The following ZNF385B variants were observed in gnomAD, a reference collection of about 807,000 sequenced individuals.
ZNF385B encodes zinc finger protein 533.
In ZNF385B, 23 loss-of-function variants were observed where a neutral mutation model predicts 39.2. The observed-to-expected ratio is 0.59, with a 90% confidence interval of 0.42 to 0.83. The LOEUF is 0.83. ZNF385B is among the 40% of genes least tolerant of loss of function. The pLI is 0.00. For missense variants in ZNF385B, 552 were observed against 598.9 expected (o/e 0.92, Z 0.82); for synonymous variants, 205 against 222.6 (o/e 0.92, Z 0.70).
chr2:179,644,044 C>T (rs1277312450), intron 3 of ZNF385B, among the ~76,000 whole-genome samples: 1 of 152,054 alleles, frequency 6.6e-6, no homozygotes, highest in East Asian at 1.9e-4. Flanking sequence ...CACCCCACAA[C>T]TATTTTCCCT....
intron 3 of ZNF385B, among the ~76,000 whole-genome samples, chr2:179,708,468 G>A (rs78769384): frequency 0.029 from 4,411 of 152,230 alleles, 200 homozygotes; most frequent in African/African-American, 0.097. Context: ...CTCACACATG[G>A]TGACCTTCAT....
At chr2:179,664,555 A>C (rs1294889213) in intron 3 of ZNF385B, among the ~76,000 whole-genome samples, 1 of 152,200 alleles carries the variant, frequency 6.6e-6, no homozygotes, top group Non-Finnish European at 1.5e-5. Flanking sequence ...AACAAAAAGA[A>C]AAAAATTGTT....
chr2:179,502,026 A>G (rs1215630551), intron 5 of ZNF385B, among the ~76,000 whole-genome samples: 3 of 152,224 alleles, frequency 2.0e-5, no homozygotes, highest in Non-Finnish European at 4.4e-5. Context: ...ATTATACAAA[A>G]TTGGCATTAG....
intron 1 of ZNF385B, among the ~76,000 whole-genome samples, chr2:179,772,724 T>C (rs2106509583): frequency 6.6e-6 from 1 of 152,334 alleles, no homozygotes; most frequent in African/African-American, 2.4e-5. Flanking sequence ...AAAATCTCAC[T>C]TTCTATTTTA....
intron 3 of ZNF385B, among the ~76,000 whole-genome samples, chr2:179,733,082 C>A (rs1701500463): frequency 6.6e-6 from 1 of 152,142 alleles, no homozygotes; most frequent in African/African-American, 2.4e-5. Context: ...TGAATTCTTG[C>A]AGAGTTATTT....
chr2:179,748,509 ACT>A (rs1389390324), intron 3 of ZNF385B, among the ~76,000 whole-genome samples: 1 of 152,154 alleles, frequency 6.6e-6, no homozygotes, highest in Non-Finnish European at 1.5e-5. Context: ...TGCATGTGAC[ACT>A]GTCAGACACA....
At chr2:179,473,229 A>T (rs1376399221) in intron 6 of ZNF385B, among the ~76,000 whole-genome samples, 2 of 152,182 alleles carry the variant, frequency 1.3e-5, no homozygotes, top group African/African-American at 4.8e-5. Context: ...CAGGCTCATG[A>T]AACCTTAATA....
chr2:179,681,457 A>G (rs915992095), intron 3 of ZNF385B, among the ~76,000 whole-genome samples: 4 of 152,214 alleles, frequency 2.6e-5, no homozygotes, highest in Non-Finnish European at 5.9e-5. Flanking sequence ...TGGCTACACA[A>G]TAAGAAGTAT....
At chr2:179,594,170 T>G (rs1687805250) in intron 3 of ZNF385B, among the ~76,000 whole-genome samples, 1 of 152,234 alleles carries the variant, frequency 6.6e-6, no homozygotes, top group Non-Finnish European at 1.5e-5. Context: ...CTTTTAGCTC[T>G]TAGCCTAGTA....
At chr2:179,859,271 C>T (rs1442361279) in intron 1 of ZNF385B, among the ~76,000 whole-genome samples, 2 of 152,130 alleles carry the variant, frequency 1.3e-5, no homozygotes, top group South Asian at 2.1e-4. Flanking sequence ...TTCCTTTGTA[C>T]CTCAGTTGAA....
At chr2:179,820,114 AT>A (rs1707317314) in intron 1 of ZNF385B, among the ~76,000 whole-genome samples, 1 of 151,996 alleles carries the variant, frequency 6.6e-6, no homozygotes, top group African/African-American at 2.4e-5. Context: ...TACTACTCAA[AT>A]TTTTTTCATT....
intron 3 of ZNF385B, among the ~76,000 whole-genome samples, chr2:179,641,286 G>T (rs577811788): frequency 9.9e-5 from 15 of 151,968 alleles, no homozygotes; most frequent in Non-Finnish European, 2.2e-4. Context: ...AATCAGTCTG[G>T]TTATTGCCAC....
chr2:179,839,339 C>T (rs557843844), intron 1 of ZNF385B, among the ~76,000 whole-genome samples: 167 of 152,310 alleles, frequency 1.1e-3, no homozygotes, highest in African/African-American at 3.8e-3. Flanking sequence ...CTCACACCAA[C>T]TTGGAGCTCT....
chr2:179,801,306 T>G (rs1250616239), intron 1 of ZNF385B, among the ~76,000 whole-genome samples: 1 of 152,092 alleles, frequency 6.6e-6, no homozygotes, highest in Non-Finnish European at 1.5e-5. Flanking sequence ...TATTTTCCAG[T>G]GCTTTAGACC....
chr2:179,755,238 A>G (rs565793136), intron 3 of ZNF385B, among the ~76,000 whole-genome samples: 210 of 152,238 alleles, frequency 1.4e-3, no homozygotes, highest in African/African-American at 4.8e-3. Flanking sequence ...GTAGTTGAGT[A>G]GTTTTGAGTG....
chr2:179,859,899 T>C (rs1684904515), intron 1 of ZNF385B, among the ~76,000 whole-genome samples: 1 of 152,226 alleles, frequency 6.6e-6, no homozygotes, highest in Non-Finnish European at 1.5e-5. Context: ...AATTTGGCCT[T>C]GGAACATTTA....
intron 1 of ZNF385B, among the ~76,000 whole-genome samples, chr2:179,793,824 C>T (rs1275960000): frequency 6.6e-6 from 1 of 152,100 alleles, no homozygotes; most frequent in Non-Finnish European, 1.5e-5. Flanking sequence ...CTGGAGTTGG[C>T]AGGGAGGAGA....
At chr2:179,645,062 A>G (rs943564951) in intron 3 of ZNF385B, among the ~76,000 whole-genome samples, 1 of 152,258 alleles carries the variant, frequency 6.6e-6, no homozygotes, top group Non-Finnish European at 1.5e-5. Context: ...CTCTTGTCAG[A>G]GAAGGGGTTG....
chr2:179,529,689 A>AC (rs2059139886), intron 4 of ZNF385B, among the ~76,000 whole-genome samples: 1 of 152,018 alleles, frequency 6.6e-6, no homozygotes, highest in African/African-American at 2.4e-5. Context: ...AAGTGCTATC[A>AC]ATATGTTTTG....
Sources: allele counts gnomAD v4.1 joint callset (sites outside exome capture counted in the v4.1 genomes callset), GRCh38; gene constraint gnomAD v4.1.1; transcripts MANE v1.5; gene names NCBI Gene and HGNC (gene_info 2026-07-23, HGNC 2026-07-21).